The following HS3ST5 variants were observed in gnomAD, a reference collection of about 807,000 sequenced individuals.
The protein encoded by HS3ST5 is heparan sulfate-glucosamine 3-sulfotransferase 5.
A neutral mutation model predicts 25.4 loss-of-function variants in HS3ST5; 10 were observed. That is an observed-to-expected ratio of 0.39 (90% CI 0.24 to 0.67). The LOEUF (loss-of-function observed/expected upper bound fraction) is 0.67, where lower values mean the gene tolerates loss of function less well. Ranked by LOEUF, HS3ST5 falls within the 30% of genes least tolerant of loss-of-function variation. The probability of loss-of-function intolerance (pLI) is 0.44; values close to 1 mark genes in which losing one functional copy is unlikely to be tolerated. For missense variants in HS3ST5, 324 were observed against 420.7 expected (o/e 0.77, Z 2.01); for synonymous variants, 170 against 162.4 (o/e 1.05, Z -0.36).
At position 114,250,310 on chromosome 6, in the gene HS3ST5, G is replaced by A. The variant is rs555006579; in HGVS notation, c.-338-21532C>T. ...AAAAAAATTATCAGAGGCTGGGCAC[G>A]ATGGCTCAGGCCTGTAATCCCAGCA... On this transcript the variant is annotated intron_variant, in intron 1 of 4. Coordinates refer to ENST00000312719, the MANE Select transcript of HS3ST5 (RefSeq NM_153612.4). Among the ~76,000 whole-genome samples, 11 of 152,276 alleles carry A rather than the reference G, an allele frequency of 7.2e-5. No homozygotes were observed. The South Asian group carries it at 1.5e-3, about 20-fold the overall frequency.
At position 114,325,454 on chromosome 6, in the gene HS3ST5, A is replaced by G. The variant is rs146004622; in HGVS notation, c.-339+16741T>C. ...TGTTAAGGTGGGTTGGATTTGGCAG[A>G]TAGTATTGTTAGGTGTCTGGAGAGA... On this transcript the variant is annotated intron_variant, in intron 1 of 4. Transcript: ENST00000312719. Among the ~76,000 whole-genome samples, 72 of 152,308 alleles carry G rather than the reference A, an allele frequency of 4.7e-4. 1 individual carries two copies. The East Asian group carries it at 0.014, about 29-fold the overall frequency.
intron 2 of HS3ST5, 47 bp from the exon 3 acceptor site, chr6:114,168,509 T>C (rs1006964785): frequency 6.6e-6 from 1 of 152,274 alleles, no homozygotes; most frequent in Admixed American, 6.5e-5. Context: ...TAAGTCTTTT[T>C]GTTTGTTTGT....
At chr6:114,258,579 C>T (rs1246975467) in intron 1 of HS3ST5, among the ~76,000 whole-genome samples, 7 of 152,140 alleles carry the variant, frequency 4.6e-5, no homozygotes, top group African/African-American at 1.7e-4. Context: ...CCTCAGGCTT[C>T]AGCATTTGCC....
intron 3 of HS3ST5, among the ~76,000 whole-genome samples, chr6:114,132,842 C>G (rs1777406493): frequency 1.3e-5 from 2 of 152,186 alleles, no homozygotes. Flanking sequence ...CTCTTTCAAG[C>G]CGGTCTGAAT....
intron 1 of HS3ST5, among the ~76,000 whole-genome samples, chr6:114,272,326 C>T (rs1162480673): frequency 1.3e-5 from 2 of 152,100 alleles, no homozygotes; most frequent in African/African-American, 4.8e-5. Flanking sequence ...ATCACCTTGA[C>T]ATTGTCTAGG....
intron 2 of HS3ST5, among the ~76,000 whole-genome samples, chr6:114,172,292 C>A (rs1183715126): frequency 6.6e-6 from 1 of 152,216 alleles, no homozygotes; most frequent in African/African-American, 2.4e-5. Flanking sequence ...TGAACGATAT[C>A]CCCGCTCAAG....
chr6:114,096,058 A>C (rs1484459548), intron 3 of HS3ST5, among the ~76,000 whole-genome samples: 2 of 152,130 alleles, frequency 1.3e-5, no homozygotes, highest in African/African-American at 4.8e-5. Context: ...CTTACCTTTT[A>C]AGATTCCATG....
rs71272382 is a variant in HS3ST5, at chr6:114,224,699, T to TACAC, written c.-145+3882_-145+3885dup. ...ACATATATATATACATATATATATA[T>TACAC]ACACACACACACACACACACACCGA... On this transcript the variant is annotated intron_variant, in intron 2 of 4. Transcript: ENST00000312719. Among the ~76,000 whole-genome samples the TACAC allele has an allele frequency of 6.5e-3, 934 of 144,376 alleles. 3 individuals are homozygous for TACAC. The highest frequency in any genetic ancestry group is 9.9e-3 in the Non-Finnish European group (649 of 65,658). The allele number at this position is 144,376 out of a possible 152,430, so 94.7% of individuals were successfully genotyped here. A position where few individuals can be genotyped will look rare whatever the true frequency, so the allele number is the denominator to read the frequency against.
chr6:114,284,857 T>C (rs1774270181), intron 1 of HS3ST5, among the ~76,000 whole-genome samples: 2 of 151,772 alleles, frequency 1.3e-5, no homozygotes. Flanking sequence ...ATTATTAAAC[T>C]TAATAAAATT....
intron 3 of HS3ST5, among the ~76,000 whole-genome samples, chr6:114,151,025 G>A (rs570778002): frequency 6.6e-6 from 1 of 152,082 alleles, no homozygotes; most frequent in South Asian, 2.1e-4. Context: ...GCACATATTC[G>A]CTTGCCCCTG....
At chr6:114,327,190 T>A (rs1776207413) in intron 1 of HS3ST5, among the ~76,000 whole-genome samples, 1 of 152,120 alleles carries the variant, frequency 6.6e-6, no homozygotes, top group African/African-American at 2.4e-5. Context: ...CTGTCTGGGG[T>A]TGTGAATACA....
intron 1 of HS3ST5, among the ~76,000 whole-genome samples, chr6:114,288,655 CTTG>C (rs1774443166): frequency 6.6e-6 from 1 of 151,468 alleles, no homozygotes; most frequent in Non-Finnish European, 1.5e-5. Flanking sequence ...TTGTGAGGTA[CTTG>C]ACCAATCTGA....
intron 1 of HS3ST5, among the ~76,000 whole-genome samples, chr6:114,258,036 G>C (rs1408159918): frequency 6.6e-6 from 1 of 152,146 alleles, no homozygotes; most frequent in African/African-American, 2.4e-5. Flanking sequence ...TGGGACTACA[G>C]GTGTGTCCCA....
At chr6:114,249,026 C>T (rs1264940397) in intron 1 of HS3ST5, among the ~76,000 whole-genome samples, 1 of 152,180 alleles carries the variant, frequency 6.6e-6, no homozygotes, top group Non-Finnish European at 1.5e-5. Context: ...ATCCGTGATA[C>T]TTTTGGTTGT....
chr6:114,331,938 A>G (rs1369069822), intron 1 of HS3ST5, among the ~76,000 whole-genome samples: 2 of 152,092 alleles, frequency 1.3e-5, no homozygotes, highest in Non-Finnish European at 2.9e-5. Context: ...TTGGTTAAAT[A>G]TAAGTCCTCT....
intron 3 of HS3ST5, among the ~76,000 whole-genome samples, chr6:114,141,445 G>A (rs1457324319): frequency 6.6e-6 from 1 of 152,146 alleles, no homozygotes; most frequent in African/African-American, 2.4e-5. Flanking sequence ...CATACGAGGG[G>A]TAAGAAAAAG....
intron 3 of HS3ST5, among the ~76,000 whole-genome samples, chr6:114,164,394 C>G (rs370828945): frequency 1.3e-5 from 2 of 152,098 alleles, no homozygotes; most frequent in African/African-American, 4.8e-5. Context: ...ACTGCAAATA[C>G]TAAGGAGGCT....
At chr6:114,176,726 G>A (rs1055075956) in intron 2 of HS3ST5, among the ~76,000 whole-genome samples, 1 of 152,078 alleles carries the variant, frequency 6.6e-6, no homozygotes, top group African/African-American at 2.4e-5. Context: ...CCAAAAACAA[G>A]GCAAGGTATA....
At chr6:114,338,450 T>C (rs942398062) in intron 1 of HS3ST5, among the ~76,000 whole-genome samples, 9 of 151,690 alleles carry the variant, frequency 5.9e-5, no homozygotes, top group African/African-American at 1.9e-4. Flanking sequence ...AATATGGACA[T>C]AGCTTTCCTT....
Sources: gnomAD v4.1 joint callset for allele counts (sites outside exome capture counted in the v4.1 genomes callset) on GRCh38, gnomAD v4.1.1 for gene constraint, MANE v1.5 for transcripts, NCBI Gene and HGNC (gene_info 2026-07-23, HGNC 2026-07-21) for gene names.